Variants in CACNA1S observed in about 807,000 individuals in gnomAD.
The protein encoded by CACNA1S is calcium voltage-gated channel subunit alpha1 S, also known as voltage-dependent L-type calcium channel subunit alpha-1S.
A neutral mutation model predicts 207.4 loss-of-function variants in CACNA1S; 126 were observed. That is an observed-to-expected ratio of 0.61 (90% CI 0.53 to 0.70). CACNA1S has a LOEUF of 0.70. Ranked by LOEUF, CACNA1S falls within the 30% of genes least tolerant of loss-of-function variation. The pLI, the probability that CACNA1S is intolerant of heterozygous loss-of-function variation, is 0.00. For missense variants in CACNA1S, 2,349 were observed against 2,422.8 expected, an observed-to-expected ratio of 0.97 and a Z score of 0.64; for synonymous variants, 960 against 932.7, an observed-to-expected ratio of 1.03 and a Z score of -0.53.
rs200062688 is a variant in CACNA1S at position 201,050,459 on chromosome 1, A to G, written c.4171T>C (p.Trp1391Arg). The stretch of plus-strand genomic sequence containing the variant: ...AGGTGATGAGGGCCCAGGATGGACC[A>G]GTCCCGGGTGAGGTAGTCAAAATTG... ...MDNFDYLTRD[W>R]SILGPHHLDE... Residue 1391 changes from tryptophan to arginine, a missense_variant, in exon 34 of 44, where the codon TGG (tryptophan) becomes CGG (arginine). By Grantham distance (101) the Trp-to-Arg change is moderately radical (BLOSUM62 -3). Transcript: ENST00000362061. 1.9e-6 allele frequency: 3 copies of G among 1,614,120 alleles called. No homozygotes were observed. Among genetic ancestry groups the G allele is most frequent in the East Asian group, 4.5e-5 (2 of 44,874 alleles).
At chr1:201,086,444 G>A (rs1293663469) in intron 7 of CACNA1S, among the ~76,000 whole-genome samples, 4 of 152,206 alleles carry the variant, frequency 2.6e-5, no homozygotes, top group Admixed American at 6.5e-5. Flanking sequence ...CATCAAGAGC[G>A]TACTTGCACA....
Position 201,044,439 on chromosome 1 carries a change from A to G in CACNA1S, c.4686T>C (p.Ile1562=), listed in dbSNP as rs138423302. 492 of 1,612,590 alleles carry G rather than the reference A, an allele frequency of 3.1e-4. 1 individual carries two copies. The African/African-American group carries it at 6.0e-3, about 20-fold the overall frequency. ...IVQIQAGLRT[I]EEEAAPEICR... Reference sequence around the variant, plus strand: ...AGATCTCGGGGGCTGCCTCTTCCTCAATGGTCCGCAGCCCTGCCTGGGGAT... The same window carrying G: ...AGATCTCGGGGGCTGCCTCTTCCTCGATGGTCCGCAGCCCTGCCTGGGGAT... Residue 1562 remains isoleucine (I), a synonymous_variant, in exon 39 of 44, where the codon ATT becomes ATC. Transcript: ENST00000362061.
At position 201,074,485 on chromosome 1, in the gene CACNA1S, T is replaced by A. The variant is rs773002637; in HGVS notation, c.2063+21A>T. The A allele has an allele frequency of 8.6e-6, 13 of 1,509,172 alleles. 1 individual carries two copies. The South Asian group carries it at 1.4e-4, about 16-fold the overall frequency. 93.5% of individuals were successfully genotyped at this position (1,509,172 alleles called of 1,614,324 possible). A position where few individuals can be genotyped will look rare whatever the true frequency, so the allele number is the denominator to read the frequency against. ...CCACGACTGAGCACTCCAGGTCCCT[T>A]CCTGCTAAGGAAGCACTCACTTGGA... On this transcript the variant is annotated intron_variant, in intron 14 of 43. Coordinates refer to ENST00000362061, the MANE Select transcript of CACNA1S (RefSeq NM_000069.3).
At chr1:201,071,695 A>G (rs1661439412) in intron 16 of CACNA1S, among the ~76,000 whole-genome samples, 1 of 152,118 alleles carries the variant, frequency 6.6e-6, no homozygotes, top group South Asian at 2.1e-4. Flanking sequence ...GTCAGCCACC[A>G]TCTCACCTGC....
rs1239634095 is a variant in CACNA1S at position 201,068,270 on chromosome 1, G to GTC, written c.2550+865_2550+866dup. ...TTTTTTTTTTTTTTTTTGAGATGGA[G>GTC]TCTCTCTCGTCACCCAGGCTGGAGT... On this transcript the variant is annotated intron_variant, in intron 19 of 43. Coordinates refer to ENST00000362061, the MANE Select transcript of CACNA1S (RefSeq NM_000069.3). Among the ~76,000 whole-genome samples the GTC allele has an allele frequency of 4.4e-3, 440 of 99,682 alleles. 7 individuals carry two copies. Among genetic ancestry groups the GTC allele is most frequent in the African/African-American group, 0.017 (386 of 22,394 alleles). 65.4% of individuals were successfully genotyped at this position (99,682 alleles called of 152,430 possible). A position where few individuals can be genotyped will look rare whatever the true frequency, so the allele number is the denominator to read the frequency against.
chr1:201,047,197 A>G lies in CACNA1S; in HGVS notation c.4586T>C (p.Ile1529Thr), dbSNP rs1660500036. The G allele has an allele frequency of 5.0e-6, 8 of 1,614,040 alleles. No individual in the cohort carries two copies. The highest frequency in any genetic ancestry group is 6.8e-6 in the Non-Finnish European group (8 of 1,180,030). The change falls in exon 38 of 44, where the codon ATC becomes ACC. Residue 1529 changes from isoleucine (I) to threonine (T), a missense_variant. By Grantham distance (89) the Ile-to-Thr change is moderately conservative. Coordinates refer to ENST00000362061, the MANE Select transcript of CACNA1S (RefSeq NM_000069.3). The part of the protein sequence containing the change: ...TVGKFYATFL[I>T]QEHFRKFMKR... The stretch of plus-strand genomic sequence containing the variant: ...CATGAACTTCCGGAAGTGCTCCTGG[A>G]TGAGGAATGTGGCGTAGAACTTCCC...
rs138627199 is a variant in CACNA1S, at chr1:201,056,395, CT to C, written c.3610-1835del. Among the ~76,000 whole-genome samples the C allele has an allele frequency of 6.4e-3, 972 of 152,342 alleles. 13 individuals carry two copies. The highest frequency in any genetic ancestry group is 0.022 in the African/African-American group (913 of 41,578). On this transcript the variant is annotated intron_variant, in intron 28 of 43. Transcript: ENST00000362061. The stretch of plus-strand genomic sequence containing the variant: ...ATCCCCAGTGCTGATCCTTCCACCC[CT>C]ATACCCAACTCACCCTAAGGTTCAC...
At chr1:201,054,637 G>C in intron 28 of CACNA1S, 76 bp from the exon 29 acceptor site, 3 of 1,217,092 alleles carry the variant, frequency 2.5e-6, no homozygotes, top group Non-Finnish European at 3.5e-6. Flanking sequence ...GAGGTGAAGA[G>C]ACGTGTCAGA....
chr1:201,040,181 CA>C (rs1254643687), intron 43 of CACNA1S, 49 bp downstream of exon 43: 1 of 1,612,160 alleles, frequency 6.2e-7, no homozygotes, highest in East Asian at 2.2e-5. Context: ...CAGGCCATCA[CA>C]GGGCCACCAC....
chr1:201,087,685 C>T (rs1046582830), intron 7 of CACNA1S, 141 bp downstream of exon 7: 2 of 675,842 alleles, frequency 3.0e-6, no homozygotes, highest in Non-Finnish European at 5.3e-6. Context: ...TCCACTCCTT[C>T]CTCCTCCTCC....
chr1:201,062,424 C>A (rs1427467083), intron 23 of CACNA1S, 38 bp downstream of exon 23: 2 of 1,600,716 alleles, frequency 1.2e-6, no homozygotes, highest in South Asian at 1.1e-5. Flanking sequence ...ATGCTCCCTG[C>A]CCCGTGACCG....
chr1:201,081,221 G>A (rs2102148843), intron 10 of CACNA1S, among the ~76,000 whole-genome samples: 1 of 152,322 alleles, frequency 6.6e-6, no homozygotes, highest in African/African-American at 2.4e-5. Context: ...CTACCCATTA[G>A]GGTTTAGGCC....
In CACNA1S at chr1:201,085,549, G is replaced by C. The variant is rs1358749314; in HGVS notation, c.1037C>G (p.Ser346Cys). 6.2e-7 allele frequency: 1 copy of C among 1,613,644 alleles called. No individual in the cohort carries two copies. The change falls in exon 8 of 44, where the codon TCC (serine) becomes TGC (cysteine). Residue 346 changes from serine (S) to cysteine (C), a missense_variant. Coordinates refer to ENST00000362061, the MANE Select transcript of CACNA1S (RefSeq NM_000069.3). ...EFTKEREKAK[S>C]RGTFQKLREK... ...CCGGAGCTTCTGGAAGGTTCCCCTG[G>C]ACTTGGCCTTCTCCCGCTCCTTGGT...
At chr1:201,095,392 G>A (rs555037869) in intron 2 of CACNA1S, among the ~76,000 whole-genome samples, 8 of 152,144 alleles carry the variant, frequency 5.3e-5, no homozygotes, top group East Asian at 3.9e-4. Context: ...CCTTAACTGC[G>A]GAGCCAGACT....
chr1:201,083,531 G>A lies in CACNA1S; in HGVS notation c.1233-209C>T, dbSNP rs557158026. Among the ~76,000 whole-genome samples, 9 of 152,286 alleles carry A rather than the reference G, an allele frequency of 5.9e-5. No individual in the cohort carries two copies. In the South Asian group the frequency reaches 1.0e-3, roughly 18 times the overall value. On this transcript the variant is annotated intron_variant, in intron 9 of 43. Transcript: ENST00000362061. ...AAGAGCGATAATGACACAAACCTCC[G>A]AGGCAATGGAATGAGAGGATGCACG...
intron 1 of CACNA1S, among the ~76,000 whole-genome samples, chr1:201,110,839 C>T (rs1663073044): frequency 1.3e-5 from 2 of 152,228 alleles, no homozygotes; most frequent in Non-Finnish European, 2.9e-5. Flanking sequence ...CACACCCACC[C>T]CGCCACAGCC....
chr1:201,097,884 C>T (rs983731274), intron 2 of CACNA1S, among the ~76,000 whole-genome samples: 1 of 152,172 alleles, frequency 6.6e-6, no homozygotes, highest in Non-Finnish European at 1.5e-5. Context: ...ATATTTTGGG[C>T]TCAGGGCTTC....
At chr1:201,045,665 G>A (rs959998200) in intron 38 of CACNA1S, among the ~76,000 whole-genome samples, 3 of 150,206 alleles carry the variant, frequency 2.0e-5, no homozygotes, top group African/African-American at 7.4e-5. Context: ...AACCCGGGAG[G>A]CAGAGGTCGC....
chr1:201,087,000 A>C (rs1662057300), intron 7 of CACNA1S, among the ~76,000 whole-genome samples: 1 of 152,222 alleles, frequency 6.6e-6, no homozygotes. Context: ...CCAGAATTCT[A>C]TCTATAGACT....
Sources: gnomAD v4.1 joint callset for allele counts (sites outside exome capture counted in the v4.1 genomes callset) on GRCh38, gnomAD v4.1.1 for gene constraint, MANE v1.5 for transcripts, NCBI Gene and HGNC (gene_info 2026-07-23, HGNC 2026-07-21) for gene names.